Variants in CDC42BPB observed in about 807,000 individuals in gnomAD.
The protein encoded by CDC42BPB is CDC42 binding protein kinase beta, also known as serine/threonine-protein kinase MRCK beta.
Under a neutral mutation model 214.9 loss-of-function variants are expected in CDC42BPB, and 37 were observed. The ratio of observed to expected loss-of-function variants is 0.17; its 90% CI spans 0.13 to 0.23. The LOEUF is 0.23. Among genes scored for constraint, CDC42BPB ranks in the 10% least tolerant of loss-of-function variants. The probability of loss-of-function intolerance (pLI) is 1.00; values close to 1 mark genes in which losing one functional copy is unlikely to be tolerated. For synonymous variants in CDC42BPB, 931 were observed against 884.0 expected, an observed-to-expected ratio of 1.05 and a Z score of -0.94; for missense variants, 1,694 against 2,227.0, an observed-to-expected ratio of 0.76 and a Z score of 4.82.
In CDC42BPB at chr14:102,939,997, G is replaced by A. The variant is rs1415430066; in HGVS notation, c.4591+49C>T. 8 of 1,613,598 alleles carry A rather than the reference G, an allele frequency of 5.0e-6. No homozygotes were observed. The highest frequency in any genetic ancestry group is 1.1e-5 in the South Asian group (1 of 91,086). Reference sequence around the variant, plus strand: ...CGGTGCTGCGGCACCAGGGACACACGCCCCTCCAACTTCCCTTCCCTCCAC... The same window carrying A: ...CGGTGCTGCGGCACCAGGGACACACACCCCTCCAACTTCCCTTCCCTCCAC... On this transcript the variant is annotated intron_variant, in intron 32 of 36. Coordinates refer to ENST00000361246, the MANE Select transcript of CDC42BPB (RefSeq NM_006035.4).
intron 1 of CDC42BPB, among the ~76,000 whole-genome samples, chr14:103,040,191 C>T (rs1183935872): frequency 6.6e-6 from 1 of 151,976 alleles, no homozygotes; most frequent in Non-Finnish European, 1.5e-5. Context: ...CCTGTCTGTA[C>T]TAAAAATACA....
intron 26 of CDC42BPB, among the ~76,000 whole-genome samples, chr14:102,949,295 G>GGTGGCACTGA (rs1470504564): frequency 6.6e-6 from 1 of 152,166 alleles, no homozygotes; most frequent in Non-Finnish European, 1.5e-5. Flanking sequence ...GCTGACACTG[G>GGTGGCACTGA]GTGGCACTGA....
chr14:102,991,708 G>A (rs143931671), intron 5 of CDC42BPB, among the ~76,000 whole-genome samples: 30 of 152,308 alleles, frequency 2.0e-4, no homozygotes, highest in African/African-American at 6.0e-4. Context: ...TTAACAATAC[G>A]TGAATCTGAT....
intron 34 of CDC42BPB, 76 bp from the exon 35 acceptor site, chr14:102,938,487 C>T (rs943881065): frequency 1.8e-5 from 27 of 1,492,856 alleles, no homozygotes; most frequent in Middle Eastern, 2.5e-4. Context: ...GTGCAACCTA[C>T]GGTGGCTGTG....
intron 1 of CDC42BPB, among the ~76,000 whole-genome samples, chr14:103,033,712 A>G (rs1010621754): frequency 4.3e-4 from 65 of 152,234 alleles, no homozygotes; most frequent in African/African-American, 1.6e-3. Context: ...TATTTTCAAT[A>G]ATATTTAAAT....
At chr14:103,027,102 G>A (rs979172865) in intron 1 of CDC42BPB, among the ~76,000 whole-genome samples, 4 of 152,248 alleles carry the variant, frequency 2.6e-5, no homozygotes, top group African/African-American at 4.8e-5. Flanking sequence ...AAAGTCATTC[G>A]CAATCAGGGA....
chr14:103,033,283 G>A lies in CDC42BPB; in HGVS notation c.176-21095C>T, dbSNP rs112105356. Among the ~76,000 whole-genome samples, 785 of 152,126 alleles carry A rather than the reference G, an allele frequency of 5.2e-3. 11 individuals carry two copies. The highest frequency in any genetic ancestry group is 0.018 in the African/African-American group (729 of 41,486). ...GTCACCCAGGCTGGAGTGCAGTGGC[G>A]CCATCTCTGCTCACTGCAAGCCCCG... On this transcript the variant is annotated intron_variant, in intron 1 of 36. Coordinates refer to ENST00000361246, the MANE Select transcript of CDC42BPB (RefSeq NM_006035.4).
chr14:103,036,810 T>C (rs1367034993), intron 1 of CDC42BPB, among the ~76,000 whole-genome samples: 1 of 152,174 alleles, frequency 6.6e-6, no homozygotes, highest in Non-Finnish European at 1.5e-5. Context: ...TTAAAAGTCG[T>C]GACTTTTTAT....
chr14:103,013,889 G>A (rs1041354940), intron 1 of CDC42BPB, among the ~76,000 whole-genome samples: 11 of 152,230 alleles, frequency 7.2e-5, no homozygotes, highest in African/African-American at 2.2e-4. Context: ...CTAGAGGCCA[G>A]GCGCAGTGGC....
chr14:103,002,093 G>A (rs1566894758), intron 4 of CDC42BPB, among the ~76,000 whole-genome samples: 1 of 152,208 alleles, frequency 6.6e-6, no homozygotes, highest in Non-Finnish European at 1.5e-5. Context: ...AACTGTAGCA[G>A]AACCCGCTCT....
chr14:103,001,595 T>C lies in CDC42BPB; in HGVS notation c.448-1882A>G, dbSNP rs989274573. Among the ~76,000 whole-genome samples, 2 of 152,256 alleles carry C rather than the reference T, an allele frequency of 1.3e-5. No homozygotes were observed. The highest frequency in any genetic ancestry group is 4.8e-5 in the African/African-American group (2 of 41,570). ...CACTCAGAGCAGTGAGTGGGTGATG[T>C]TCCCCAGCTACGTTCAGAAGCCCAG... On this transcript the variant is annotated intron_variant, in intron 4 of 36. Coordinates refer to ENST00000361246, the MANE Select transcript of CDC42BPB (RefSeq NM_006035.4). This position sits in a 1 kb window ranked among gnomAD's most constrained non-coding sequence, Gnocchi z 5.8.
At chr14:103,055,653 T>C (rs1329270283) in intron 1 of CDC42BPB, among the ~76,000 whole-genome samples, 2 of 152,268 alleles carry the variant, frequency 1.3e-5, no homozygotes, top group Non-Finnish European at 2.9e-5. Context: ...GACCTCTTTC[T>C]ACTGCTGCTC....
chr14:103,033,918 G>A (rs796923015), intron 1 of CDC42BPB, among the ~76,000 whole-genome samples: 1 of 152,248 alleles, frequency 6.6e-6, no homozygotes, highest in African/African-American at 2.4e-5. Flanking sequence ...CCATGAGTAC[G>A]TTTGTTTTAT....
chr14:102,938,776 C>T (rs532894561), intron 34 of CDC42BPB, among the ~76,000 whole-genome samples: 2 of 151,750 alleles, frequency 1.3e-5, no homozygotes, highest in East Asian at 1.9e-4. Flanking sequence ...TTACAGATGC[C>T]CACCATCACA....
Position 103,004,568 on chromosome 14 carries a change from A to G in CDC42BPB, c.352-545T>C, listed in dbSNP as rs931212814. On this transcript the variant is annotated intron_variant, in intron 3 of 36. Coordinates refer to ENST00000361246, the MANE Select transcript of CDC42BPB (RefSeq NM_006035.4). This position sits in a 1 kb window ranked among gnomAD's most constrained non-coding sequence, Gnocchi z 5.3. ...GCAAGAGGCTGCCCTCTACCCTGCT[A>G]CGTCTTCCAAAAGAGTTTTAATGCC... Among the ~76,000 whole-genome samples the G allele has an allele frequency of 2.0e-5, 3 of 152,206 alleles. No individual in the cohort carries two copies. Among genetic ancestry groups the G allele is most frequent in the African/African-American group, 7.2e-5 (3 of 41,454 alleles).
At chr14:102,997,493 T>C (rs1894795044) in intron 5 of CDC42BPB, among the ~76,000 whole-genome samples, 1 of 152,178 alleles carries the variant, frequency 6.6e-6, no homozygotes, top group African/African-American at 2.4e-5. Flanking sequence ...AGGGGATCTC[T>C]GCACTTGAAA....
intron 1 of CDC42BPB, among the ~76,000 whole-genome samples, chr14:103,031,804 T>C (rs1887392156): frequency 6.6e-6 from 1 of 152,096 alleles, no homozygotes; most frequent in Non-Finnish European, 1.5e-5. Context: ...AAAAAGCTGA[T>C]GTACCAGAGA....
At chr14:102,935,117 C>T (rs1165824153) in intron 36 of CDC42BPB, among the ~76,000 whole-genome samples, 3 of 151,796 alleles carry the variant, frequency 2.0e-5, no homozygotes, top group Admixed American at 6.6e-5. Flanking sequence ...CTAGGCAGAG[C>T]GATCAGGGAA....
intron 1 of CDC42BPB, among the ~76,000 whole-genome samples, chr14:103,048,148 C>T (rs921498002): frequency 1.3e-5 from 2 of 152,114 alleles, no homozygotes; most frequent in Non-Finnish European, 2.9e-5. Context: ...AAGTGGCAGG[C>T]CTGGAAGGGA....
Sources: gnomAD v4.1 joint callset for allele counts (sites outside exome capture counted in the v4.1 genomes callset) on GRCh38, gnomAD v4.1.1 for gene constraint, Gnocchi (gnomAD v3.1) non-coding constraint, MANE v1.5 for transcripts, NCBI Gene and HGNC (gene_info 2026-07-23, HGNC 2026-07-21) for gene names.